The following ALG14 variants were observed in gnomAD, a reference collection of about 807,000 sequenced individuals.
ALG14 encodes the protein ALG14 UDP-N-acetylglucosaminyltransferase subunit, also known as UDP-N-acetylglucosamine transferase subunit ALG14.
Under a neutral mutation model 22.8 loss-of-function variants are expected in ALG14, and 17 were observed. The observed-to-expected ratio is 0.75, with a 90% CI of 0.51 to 1.12. The LOEUF is 1.12. ALG14 is among the 50% of genes most tolerant of loss of function. The probability of loss-of-function intolerance (pLI) is 0.00; values close to 1 mark genes in which losing one functional copy is unlikely to be tolerated. For synonymous variants in ALG14, 89 were observed against 103.7 expected (o/e 0.86, Z 0.86); for missense variants, 288 against 271.8 (o/e 1.06, Z -0.42).
At position 95,072,834 on chromosome 1, in the gene ALG14, A is replaced by C; in HGVS notation, c.65T>G (p.Ile22Arg). 4 of 1,614,148 alleles carry C rather than the reference A, an allele frequency of 2.5e-6. No individual in the cohort carries two copies. The highest frequency in any genetic ancestry group is 3.4e-6 in the Non-Finnish European group (4 of 1,180,030). Residue 22 changes from isoleucine (I) to arginine (R), a missense_variant, in exon 1 of 4, where the codon ATA becomes AGA. Ile to Arg is a moderately conservative substitution (Grantham distance 97). Transcript: ENST00000370205. ...GAVAVFLILR[I>R]WVVLRSMDVT... Reference sequence around the variant, plus strand: ...GTCCATGGAACGAAGCACTACCCATATTCGCAGGATTAGGAAAACCGCCAC... The same window carrying C: ...GTCCATGGAACGAAGCACTACCCATCTTCGCAGGATTAGGAAAACCGCCAC...
chr1:94,994,772 A>C (rs1464230730), intron 3 of ALG14, among the ~76,000 whole-genome samples: 1 of 152,238 alleles, frequency 6.6e-6, no homozygotes, highest in Non-Finnish European at 1.5e-5. Flanking sequence ...GGTTCTAAGA[A>C]AGGTTATGAC....
chr1:95,034,686 T>C (rs1006671977), intron 2 of ALG14, among the ~76,000 whole-genome samples: 4 of 152,118 alleles, frequency 2.6e-5, no homozygotes, highest in Non-Finnish European at 5.9e-5. Context: ...CTTGCTTGGA[T>C]CTCTGTGTCT....
Position 94,977,132 on chromosome 1 carries a change from G to A in ALG14, c.*5944C>T, listed in dbSNP as rs1323518132. Reference sequence around the variant, plus strand: ...AATGTATTGTTTTAAGCCAATATATGTGTGGCAATTTTTTACACAGCGATA... The same window carrying A: ...AATGTATTGTTTTAAGCCAATATATATGTGGCAATTTTTTACACAGCGATA... On this transcript the variant is annotated 3_prime_UTR_variant, in exon 4 of 4. Transcript: ENST00000370205. 9.9e-5 allele frequency: 15 copies of A among 152,190 alleles called. No individual in the cohort carries two copies. Among genetic ancestry groups the A allele is most frequent in the Admixed American group, 9.8e-4 (15 of 15,270 alleles). The allele number at this position is 152,190 out of a possible 1,614,324, so 9.4% of individuals were successfully genotyped here.
intron 3 of ALG14, among the ~76,000 whole-genome samples, chr1:95,001,580 C>T (rs1204143736): frequency 6.6e-6 from 1 of 152,178 alleles, no homozygotes; most frequent in African/African-American, 2.4e-5. Context: ...ACTGCAACCT[C>T]CGCCTCCCGG....
intron 3 of ALG14, among the ~76,000 whole-genome samples, chr1:95,008,580 T>TA (rs1025845465): frequency 1.6e-4 from 25 of 152,210 alleles, no homozygotes; most frequent in Non-Finnish European, 2.9e-4. Context: ...ATCTGTAGAA[T>TA]AAAAAAACCC....
At chr1:94,986,771 CTTTT>C (rs35357830) in intron 3 of ALG14, among the ~76,000 whole-genome samples, 4 of 139,784 alleles carry the variant, frequency 2.9e-5, no homozygotes, top group Non-Finnish European at 3.1e-5. Context: ...GCGCCTGGCC[CTTTT>C]TTTTTTTTTT....
In ALG14 at chr1:95,047,317, A is replaced by C. The variant is rs1328181113; in HGVS notation, c.288+17549T>G. 4.5e-4 allele frequency among the ~76,000 whole-genome samples: 69 copies of C among 152,162 alleles called. 1 individual carries two copies. Among genetic ancestry groups the C allele is most frequent in the Non-Finnish European group, 1.3e-4 (9 of 68,022 alleles). Reference sequence around the variant, plus strand: ...TAGAGAGTGGAACTGGGATAGTGACAGGAAACTTTCACTGTTTACTTTGTA... The same window carrying C: ...TAGAGAGTGGAACTGGGATAGTGACCGGAAACTTTCACTGTTTACTTTGTA... On this transcript the variant is annotated intron_variant, in intron 2 of 3. Transcript: ENST00000370205.
At chr1:94,983,418 G>C (rs1672552202) in intron 3 of ALG14, 112 bp from the exon 4 acceptor site, 1 of 860,766 alleles carries the variant, frequency 1.2e-6, no homozygotes, top group East Asian at 2.6e-5. Flanking sequence ...ATTCTAATAA[G>C]TCCTTCTCTG....
intron 2 of ALG14, chr1:95,035,799 T>G (rs1428531844): frequency 6.6e-6 from 1 of 152,208 alleles, no homozygotes; most frequent in Non-Finnish European, 1.5e-5. Context: ...ATCAAGTGGT[T>G]GATGAAGTCA....
At chr1:95,007,413 C>T (rs1673248185) in intron 3 of ALG14, among the ~76,000 whole-genome samples, 1 of 152,198 alleles carries the variant, frequency 6.6e-6, no homozygotes, top group African/African-American at 2.4e-5. Context: ...GGAACACCAC[C>T]CTTTCCAGGG....
intron 2 of ALG14, among the ~76,000 whole-genome samples, chr1:95,031,814 G>A (rs1231473669): frequency 6.6e-6 from 1 of 152,126 alleles, no homozygotes; most frequent in Non-Finnish European, 1.5e-5. Flanking sequence ...AGGAGGCCAG[G>A]AACTTACTTT....
intron 3 of ALG14, among the ~76,000 whole-genome samples, chr1:95,004,155 G>A (rs563152912): frequency 6.6e-6 from 1 of 151,612 alleles, no homozygotes; most frequent in South Asian, 2.1e-4. Flanking sequence ...AAGACCAGAG[G>A]ACTACTAAAT....
intron 3 of ALG14, among the ~76,000 whole-genome samples, chr1:95,012,231 G>A (rs952336577): frequency 4.6e-5 from 7 of 152,172 alleles, no homozygotes; most frequent in East Asian, 1.9e-4. Flanking sequence ...CTTATTGGCA[G>A]CATGAAAATG....
At position 95,071,916 on chromosome 1, in the gene ALG14, C is replaced by A. The variant is rs1675579660; in HGVS notation, c.136+847G>T. ...TATTTTCTGTTAGTTTTTTTGTATTCTCTATTTCATTTACTGCTGTATCTT... is the reference window on the plus strand; with the variant it reads ...TATTTTCTGTTAGTTTTTTTGTATTATCTATTTCATTTACTGCTGTATCTT... On this transcript the variant is annotated intron_variant, in intron 1 of 3. Coordinates refer to ENST00000370205, the MANE Select transcript of ALG14 (RefSeq NM_144988.4). Among the ~76,000 whole-genome samples the A allele has an allele frequency of 3.3e-5, 5 of 152,078 alleles. No individual in the cohort carries two copies. In the South Asian group the frequency reaches 1.0e-3, roughly 31 times the overall value.
chr1:95,061,527 C>T (rs1425442342), intron 2 of ALG14: 1 of 151,794 alleles, frequency 6.6e-6, no homozygotes, highest in Non-Finnish European at 1.5e-5. Context: ...AAGGTGGGAA[C>T]AAAGGGAGTG....
Position 95,016,849 on chromosome 1 carries a change from GA to G in ALG14, c.420+10279del, listed in dbSNP as rs541721850. The stretch of plus-strand genomic sequence containing the variant: ...AAAAATGAAACCACCAGAGGTAAGA[GA>G]CCACAGAGAGGATAGCCTAGACAGG... On this transcript the variant is annotated intron_variant, in intron 3 of 3. Coordinates refer to ENST00000370205, the MANE Select transcript of ALG14 (RefSeq NM_144988.4). Among the ~76,000 whole-genome samples the G allele has an allele frequency of 2.1e-3, 316 of 152,136 alleles. 2 individuals carry two copies. Among genetic ancestry groups the G allele is most frequent in the African/African-American group, 7.3e-3 (301 of 41,502 alleles).
Position 94,985,292 on chromosome 1 carries a change from C to G in ALG14, c.421-1986G>C, listed in dbSNP as rs576530370. On this transcript the variant is annotated intron_variant, in intron 3 of 3. Transcript: ENST00000370205. ...TTCCAAAAATCCAATTATTGCCAGG[C>G]ACTACTAATATTTTGGACTGGATAT... Among the ~76,000 whole-genome samples, 5 of 152,318 alleles carry G rather than the reference C, an allele frequency of 3.3e-5. No homozygotes were observed. In the East Asian group the frequency reaches 9.6e-4, roughly 29 times the overall value.
rs961883242 is a variant in ALG14, at chr1:94,983,148, A to G, written c.579T>C (p.Asp193=). The G allele has an allele frequency of 4.3e-6, 7 of 1,614,052 alleles. No homozygotes were observed. In the African/African-American group the frequency reaches 8.0e-5, roughly 18 times the overall value. Residue 193 remains aspartate, a synonymous_variant, in exon 4 of 4, where the codon GAT becomes GAC. Coordinates refer to ENST00000370205, the MANE Select transcript of ALG14 (RefSeq NM_144988.4). ...GAGCCGGCCACTGAACAATGAAGTA[A>G]TCTGAGAGATGAAACAGAATCTTTC... ...MSGKILFHLS[D]YFIVQWPALK...
intron 2 of ALG14, among the ~76,000 whole-genome samples, chr1:95,032,246 T>A (rs1196069706): frequency 6.6e-6 from 1 of 152,224 alleles, no homozygotes; most frequent in East Asian, 1.9e-4. Flanking sequence ...CAATTCCATC[T>A]TCCTATCACC....
Sources: allele counts gnomAD v4.1 joint callset (sites outside exome capture counted in the v4.1 genomes callset), GRCh38; gene constraint gnomAD v4.1.1; transcripts MANE v1.5; gene names NCBI Gene and HGNC (gene_info 2026-07-23, HGNC 2026-07-21).